SLC9A5: variants seen among roughly 807,000 people sequenced by gnomAD.
The protein encoded by SLC9A5 is solute carrier family 9 member A5, also known as sodium/hydrogen exchanger 5.
SLC9A5 carries 52 observed loss-of-function variants against 91.7 expected under a neutral mutation model. That is an observed-to-expected ratio of 0.57 (90% CI 0.45 to 0.71). SLC9A5 has a LOEUF of 0.71. Among genes scored for constraint, SLC9A5 ranks in the 30% least tolerant of loss-of-function variants. The pLI is 0.00. For missense variants in SLC9A5, 871 were observed against 1,158.9 expected (o/e 0.75, Z 3.61); for synonymous variants, 419 against 474.5 (o/e 0.88, Z 1.52).
chr16:67,257,009 G>A lies in SLC9A5; in HGVS notation c.1231G>A (p.Val411Met). ...GTCCTATGGGGGCCTGCGGGGGGCTGTGGCCTTTGCTCTCGTCATCCTACT... is the reference window on the plus strand; with the variant it reads ...GTCCTATGGGGGCCTGCGGGGGGCTATGGCCTTTGCTCTCGTCATCCTACT... ...VMSYGGLRGA[V>M]AFALVILLDR... is the part of the protein sequence containing the mutation. Residue 411 changes from valine (V) to methionine (M), a missense_variant, in exon 7 of 16, where the codon GTG becomes ATG. Val to Met is a conservative substitution (Grantham distance 21). Around this residue, in one of 3 missense-constraint regions of SLC9A5, gnomAD observed 454 missense variants for 718.3 expected, o/e 0.63. Transcript: ENST00000299798. This position sits in a 1 kb window ranked among gnomAD's most constrained non-coding sequence, Gnocchi z 5.1. 1 of 1,614,024 alleles carries A rather than the reference G, an allele frequency of 6.2e-7. No homozygotes were observed. The highest frequency in any genetic ancestry group is 8.5e-7 in the Non-Finnish European group (1 of 1,180,016).
intron 2 of SLC9A5, among the ~76,000 whole-genome samples, chr16:67,254,269 G>A (rs1044235253): frequency 6.6e-6 from 1 of 152,172 alleles, no homozygotes; most frequent in African/African-American, 2.4e-5. Flanking sequence ...CCCTTTGGCC[G>A]GGAACCACAG....
Position 67,255,715 on chromosome 16 carries a change from G to A in SLC9A5, c.734-38G>A, listed in dbSNP as rs371078009. ...AGTCTTGTCAGCCCGGGTAGGGTCC[G>A]GGCCAGGGGTCATGCTGACAACCCA... is the stretch of plus-strand genomic sequence containing the variant. On this transcript the variant is annotated intron_variant, in intron 4 of 15. Coordinates refer to ENST00000299798, the MANE Select transcript of SLC9A5 (RefSeq NM_004594.3). This position sits in a 1 kb window ranked among gnomAD's most constrained non-coding sequence, Gnocchi z 4.9. 2.2e-5 allele frequency: 34 copies of A among 1,524,614 alleles called. No homozygotes were observed. Among genetic ancestry groups the A allele is most frequent in the African/African-American group, 2.1e-4 (15 of 72,784 alleles). The allele number at this position is 1,524,614 out of a possible 1,614,324, so 94.4% of individuals were successfully genotyped here. A position where few individuals can be genotyped will look rare whatever the true frequency, so the allele number is the denominator to read the frequency against.
Position 67,256,035 on chromosome 16 carries a change from T to C in SLC9A5, c.911+105T>C. The C allele has an allele frequency of 8.0e-7, 1 of 1,251,506 alleles. No homozygotes were observed. The highest frequency in any genetic ancestry group is 1.1e-6 in the Non-Finnish European group (1 of 904,906). 77.5% of individuals were successfully genotyped at this position (1,251,506 alleles called of 1,614,324 possible). ...AACTTCAGGAGTCCATAGGTTTCCCTGAGCCCTTGTGGTAGTGGGAGCCTC... is the reference window on the plus strand; with the variant it reads ...AACTTCAGGAGTCCATAGGTTTCCCCGAGCCCTTGTGGTAGTGGGAGCCTC... On this transcript the variant is annotated intron_variant, in intron 5 of 15. Coordinates refer to ENST00000299798, the MANE Select transcript of SLC9A5 (RefSeq NM_004594.3). This position sits in a 1 kb window ranked among gnomAD's most constrained non-coding sequence, Gnocchi z 4.1.
Position 67,264,476 on chromosome 16 carries a change from GCTT to G in SLC9A5, c.1969_1971del (p.Phe657del). 1.9e-6 allele frequency: 3 copies of G among 1,614,184 alleles called. No homozygotes were observed. The highest frequency in any genetic ancestry group is 3.3e-4 in the Middle Eastern group (2 of 6,062). ...TTTAAGTCCACCAAGCACAACATCT[GCTT>G]CACCAAGAGCAAGCCACGACCCCGC... is the stretch of plus-strand genomic sequence containing the variant. On this transcript the variant is annotated inframe_deletion, in exon 13 of 16. Transcript: ENST00000299798.
Position 67,255,658 on chromosome 16 carries a change from TG to T in SLC9A5, c.734-92del. On this transcript the variant is annotated intron_variant, in intron 4 of 15. Transcript: ENST00000299798. The surrounding 1 kb of genome is among the most constrained non-coding windows in gnomAD (Gnocchi z 4.9). ...GGGTTTTGAGCCCCTGGGAGTGCGG[TG>T]GGCATCATCCCTCACTCCCTGCCAG... is the stretch of plus-strand genomic sequence containing the variant. 7.3e-7 allele frequency: 1 copy of T among 1,376,664 alleles called. No homozygotes were observed. Among genetic ancestry groups the T allele is most frequent in the Non-Finnish European group, 1.0e-6 (1 of 999,652 alleles). 85.3% of individuals were successfully genotyped at this position (1,376,664 alleles called of 1,614,324 possible). A position where few individuals can be genotyped will look rare whatever the true frequency, so the allele number is the denominator to read the frequency against.
Position 67,255,577 on chromosome 16 carries a change from A to T in SLC9A5, c.733+106A>T. 1 of 1,341,972 alleles carries T rather than the reference A, an allele frequency of 7.5e-7. No individual in the cohort carries two copies. The highest frequency in any genetic ancestry group is 1.1e-6 in the Non-Finnish European group (1 of 945,696). The allele number at this position is 1,341,972 out of a possible 1,614,324, so 83.1% of individuals were successfully genotyped here. A position where few individuals can be genotyped will look rare whatever the true frequency, so the allele number is the denominator to read the frequency against. On this transcript the variant is annotated intron_variant, in intron 4 of 15. Transcript: ENST00000299798. The surrounding 1 kb of genome is among the most constrained non-coding windows in gnomAD (Gnocchi z 4.9). ...CAGAAGAGGCTATTCGGGTTGCCTCATCTCCTCTATAGAGAAATGGGGTCT... is the reference window on the plus strand; with the variant it reads ...CAGAAGAGGCTATTCGGGTTGCCTCTTCTCCTCTATAGAGAAATGGGGTCT...
chr16:67,250,331 A>G (rs988523941), intron 1 of SLC9A5, among the ~76,000 whole-genome samples: 2 of 152,172 alleles, frequency 1.3e-5, no homozygotes, highest in Non-Finnish European at 2.9e-5. Context: ...GAAGAGATGA[A>G]GATGAAATAG....
chr16:67,251,814 A>G (rs1248610116), intron 1 of SLC9A5, among the ~76,000 whole-genome samples: 1 of 152,152 alleles, frequency 6.6e-6, no homozygotes, highest in Non-Finnish European at 1.5e-5. Flanking sequence ...ACATGAAGTT[A>G]TTTGCCCTAA....
intron 1 of SLC9A5, among the ~76,000 whole-genome samples, chr16:67,250,966 C>T (rs1195810933): frequency 6.6e-6 from 1 of 152,212 alleles, no homozygotes; most frequent in African/African-American, 2.4e-5. Flanking sequence ...TTCTTCTCCC[C>T]TCCTACAGAC....
chr16:67,249,323 A>T, intron 1 of SLC9A5, 122 bp downstream of exon 1: 1 of 761,568 alleles, frequency 1.3e-6, no homozygotes, highest in Non-Finnish European at 1.8e-6. Flanking sequence ...TTAGGTTTGG[A>T]TTCCACAAAT....
intron 15 of SLC9A5, among the ~76,000 whole-genome samples, chr16:67,268,519 G>A (rs919080506): frequency 6.7e-6 from 1 of 149,506 alleles, no homozygotes; most frequent in Non-Finnish European, 1.5e-5. Flanking sequence ...CTATGATCAC[G>A]CCACTACACT....
At chr16:67,265,511 T>G (rs577675655) in intron 14 of SLC9A5, among the ~76,000 whole-genome samples, 1 of 152,294 alleles carries the variant, frequency 6.6e-6, no homozygotes, top group South Asian at 2.1e-4. Context: ...CTCTGCCTCC[T>G]GGGTTCAAGT....
intron 14 of SLC9A5, 80 bp from the exon 15 acceptor site, chr16:67,266,007 AG>A: frequency 6.4e-7 from 1 of 1,563,618 alleles, no homozygotes; most frequent in Non-Finnish European, 8.6e-7. Flanking sequence ...CTAGGGAGAC[AG>A]GGAGCTGGCT....
At chr16:67,254,350 G>A (rs1224163717) in intron 2 of SLC9A5, among the ~76,000 whole-genome samples, 1 of 152,118 alleles carries the variant, frequency 6.6e-6, no homozygotes, top group African/African-American at 2.4e-5. Context: ...TCCATTTGCT[G>A]GTAGTTATTA....
At chr16:67,251,577 C>A (rs1307115851) in intron 1 of SLC9A5, among the ~76,000 whole-genome samples, 1 of 151,798 alleles carries the variant, frequency 6.6e-6, no homozygotes, top group Non-Finnish European at 1.5e-5. Context: ...CCATGCCCAG[C>A]TAATTTTTGT....
At chr16:67,267,364 G>A (rs2035756123) in intron 15 of SLC9A5, among the ~76,000 whole-genome samples, 1 of 152,060 alleles carries the variant, frequency 6.6e-6, no homozygotes, top group South Asian at 2.1e-4. Context: ...GGGATTACAG[G>A]CATGAGCCAC....
At chr16:67,259,288 C>T (rs1393802105) in intron 10 of SLC9A5, among the ~76,000 whole-genome samples, 3 of 140,784 alleles carry the variant, frequency 2.1e-5, no homozygotes, top group East Asian at 2.0e-4. Flanking sequence ...AAAAAAAATC[C>T]GGGAACCAGA....
intron 12 of SLC9A5, 127 bp from the exon 13 acceptor site, chr16:67,264,225 T>A: frequency 1.3e-6 from 1 of 753,846 alleles, no homozygotes; most frequent in South Asian, 1.8e-5. Context: ...TGTTTTTCAA[T>A]CCATTGTTAA....
rs754560520 is a variant in SLC9A5 at position 67,252,717 on chromosome 16, T to C, written c.363T>C (p.Tyr121=). The C allele has an allele frequency of 5.0e-6, 8 of 1,614,220 alleles. No homozygotes were observed. Among genetic ancestry groups the C allele is most frequent in the Non-Finnish European group, 6.8e-6 (8 of 1,180,020 alleles). ...LLPPIVLDSG[Y]FMPSRLFFDN... ...CTCCTATTGTGTTGGACTCAGGCTATTTCATGCCTAGCAGGCTGTTCTTTG... is the reference window on the plus strand; with the variant it reads ...CTCCTATTGTGTTGGACTCAGGCTACTTCATGCCTAGCAGGCTGTTCTTTG... The change falls in exon 2 of 16, where the codon TAT becomes TAC. Residue 121 remains tyrosine (Y), a synonymous_variant. Transcript: ENST00000299798. The surrounding 1 kb of genome is among the most constrained non-coding windows in gnomAD (Gnocchi z 4.0).
Sources: allele counts gnomAD v4.1 joint callset (sites outside exome capture counted in the v4.1 genomes callset), GRCh38; gene constraint gnomAD v4.1.1; regional missense constraint gnomAD v4.1.1; non-coding constraint Gnocchi (gnomAD v3.1); transcripts MANE v1.5; gene names NCBI Gene and HGNC (gene_info 2026-07-23, HGNC 2026-07-21).